Variants in CDK14 observed in about 807,000 individuals in gnomAD.
CDK14 encodes the protein cyclin dependent kinase 14, also known as cyclin-dependent kinase 14.
CDK14 carries 34 observed loss-of-function variants against 60.7 expected under a neutral mutation model. That is an observed-to-expected ratio of 0.56 (90% CI 0.43 to 0.75). The LOEUF (loss-of-function observed/expected upper bound fraction) is 0.75. Among genes scored for constraint, CDK14 ranks in the 30% least tolerant of loss-of-function variants. The pLI is 0.00. For missense variants in CDK14, 482 were observed against 564.1 expected, an observed-to-expected ratio of 0.85 and a Z score of 1.47; for synonymous variants, 197 against 203.7, an observed-to-expected ratio of 0.97 and a Z score of 0.28.
intron 2 of CDK14, among the ~76,000 whole-genome samples, chr7:90,655,636 C>T (rs1052304614): frequency 1.3e-5 from 2 of 152,178 alleles, no homozygotes; most frequent in African/African-American, 4.8e-5. Context: ...GAGCAACGTA[C>T]TCAACCACTT....
chr7:90,642,585 G>T (rs1800364620), intron 2 of CDK14, among the ~76,000 whole-genome samples: 1 of 151,634 alleles, frequency 6.6e-6, no homozygotes, highest in South Asian at 2.1e-4. Context: ...TCGCCATGTT[G>T]GCCAGGCTGA....
chr7:90,658,837 A>G (rs1460357354), intron 2 of CDK14, among the ~76,000 whole-genome samples: 3 of 152,280 alleles, frequency 2.0e-5, no homozygotes, highest in East Asian at 3.9e-4. Flanking sequence ...TTGATGTGTC[A>G]TATGGTAACT....
At chr7:91,124,679 A>G (rs1799889230) in intron 14 of CDK14, among the ~76,000 whole-genome samples, 1 of 152,112 alleles carries the variant, frequency 6.6e-6, no homozygotes, top group Admixed American at 6.6e-5. Flanking sequence ...GGCGGGGGGA[A>G]TAGCACTTGC....
intron 4 of CDK14, among the ~76,000 whole-genome samples, chr7:90,781,266 C>T (rs922203252): frequency 3.2e-4 from 48 of 151,968 alleles, no homozygotes; most frequent in Non-Finnish European, 6.3e-4. Context: ...TGGGGTTGTT[C>T]GTTTTTTTCT....
intron 11 of CDK14, 141 bp from the exon 12 acceptor site, chr7:91,079,291 A>G: frequency 1.8e-6 from 1 of 565,548 alleles, no homozygotes; most frequent in East Asian, 3.1e-5. Context: ...ATAACTGCCC[A>G]GTATAAAAGT....
At position 91,007,985 on chromosome 7, in the gene CDK14, G is replaced by A. The variant is rs374399816; in HGVS notation, c.1041+23744G>A. ...AGCCTTTGTGGTCAGTGTGTGTATG[G>A]TTCAGTGAGGGATGGTGCTGACCTC... is the stretch of plus-strand genomic sequence containing the variant. On this transcript the variant is annotated intron_variant, in intron 10 of 14. Coordinates refer to ENST00000380050, the MANE Select transcript of CDK14 (RefSeq NM_001287135.2). 7.2e-5 allele frequency among the ~76,000 whole-genome samples: 11 copies of A among 151,896 alleles called. No homozygotes were observed. In the East Asian group the frequency reaches 9.6e-4, roughly 13 times the overall value.
intron 10 of CDK14, among the ~76,000 whole-genome samples, chr7:91,034,521 A>G (rs1385803340): frequency 6.6e-6 from 1 of 152,112 alleles, no homozygotes; most frequent in Non-Finnish European, 1.5e-5. Flanking sequence ...TGCTTCCTAT[A>G]TAAACCTTTG....
At chr7:90,842,532 T>C (rs1178527163) in intron 5 of CDK14, among the ~76,000 whole-genome samples, 6 of 152,054 alleles carry the variant, frequency 3.9e-5, no homozygotes, top group African/African-American at 1.2e-4. Context: ...AGAAAGACTT[T>C]TGAAACAAAA....
chr7:90,678,307 CT>C (rs943835731), intron 2 of CDK14, among the ~76,000 whole-genome samples: 1 of 152,158 alleles, frequency 6.6e-6, no homozygotes, highest in African/African-American at 2.4e-5. Flanking sequence ...TTGGCTGATG[CT>C]TGGGGTGAAG....
At chr7:91,010,162 G>A (rs1017430678) in intron 10 of CDK14, among the ~76,000 whole-genome samples, 7 of 151,458 alleles carry the variant, frequency 4.6e-5, no homozygotes, top group Non-Finnish European at 7.4e-5. Context: ...CTTGATTACC[G>A]TGGCTCTATA....
intron 8 of CDK14, among the ~76,000 whole-genome samples, chr7:90,928,888 G>T (rs2374373): frequency 1.2e-3 from 178 of 152,290 alleles, no homozygotes; most frequent in African/African-American, 3.9e-3. Flanking sequence ...GAGCTTCCTG[G>T]CTGCTTTGTT....
intron 2 of CDK14, among the ~76,000 whole-genome samples, chr7:90,645,373 C>A (rs984672184): frequency 6.6e-6 from 1 of 151,682 alleles, no homozygotes; most frequent in Admixed American, 6.6e-5. Context: ...TTTAAATAAC[C>A]TTAAAATGAT....
chr7:90,727,840 G>A (rs996292747), intron 3 of CDK14, among the ~76,000 whole-genome samples: 7 of 152,088 alleles, frequency 4.6e-5, no homozygotes, highest in South Asian at 2.1e-4. Context: ...GTCATAAGGC[G>A]TCCTTTTCTG....
intron 5 of CDK14, among the ~76,000 whole-genome samples, chr7:90,801,430 G>A (rs987396651): frequency 2.0e-5 from 3 of 152,212 alleles, no homozygotes; most frequent in African/African-American, 7.2e-5. Flanking sequence ...AATGACATAT[G>A]AACTGTGGCT....
At chr7:91,051,064 G>T (rs1215776077) in intron 11 of CDK14, among the ~76,000 whole-genome samples, 1 of 152,156 alleles carries the variant, frequency 6.6e-6, no homozygotes, top group Non-Finnish European at 1.5e-5. Context: ...GAAAAGTAGA[G>T]AAGATCTGAT....
chr7:90,761,978 A>T (rs1804333279), intron 4 of CDK14, among the ~76,000 whole-genome samples: 1 of 152,240 alleles, frequency 6.6e-6, no homozygotes, highest in Non-Finnish European at 1.5e-5. Flanking sequence ...TCAAGTCAGC[A>T]GACAGAATCT....
intron 8 of CDK14, among the ~76,000 whole-genome samples, chr7:90,923,399 A>C (rs1326858054): frequency 6.6e-6 from 1 of 152,246 alleles, no homozygotes; most frequent in South Asian, 2.1e-4. Flanking sequence ...GTGAGCCACC[A>C]TGCCTGGCCC....
At chr7:90,685,032 TG>T (rs1172012239) in intron 2 of CDK14, among the ~76,000 whole-genome samples, 2 of 151,902 alleles carry the variant, frequency 1.3e-5, no homozygotes, top group African/African-American at 4.8e-5. Context: ...TTATGGTTTC[TG>T]GTTTTGGGGT....
chr7:91,014,224 G>A (rs1796241942), intron 10 of CDK14, among the ~76,000 whole-genome samples: 1 of 152,112 alleles, frequency 6.6e-6, no homozygotes, highest in South Asian at 2.1e-4. Context: ...GAACAAGGGA[G>A]CAGAATTTAA....
Sources: gnomAD v4.1 joint callset for allele counts (sites outside exome capture counted in the v4.1 genomes callset) on GRCh38, gnomAD v4.1.1 for gene constraint, MANE v1.5 for transcripts, NCBI Gene and HGNC (gene_info 2026-07-23, HGNC 2026-07-21) for gene names.